LRMDA: variants seen among roughly 807,000 people sequenced by gnomAD.
LRMDA encodes the protein leucine-rich melanocyte differentiation-associated protein.
Under a neutral mutation model 29.8 loss-of-function variants are expected in LRMDA, and 18 were observed. The ratio of observed to expected loss-of-function variants is 0.60; its 90% CI spans 0.42 to 0.90. The LOEUF (loss-of-function observed/expected upper bound fraction) is 0.90, where lower values mean the gene tolerates loss of function less well. Ranked by LOEUF, LRMDA falls within the 40% of genes least tolerant of loss-of-function variation. LRMDA has a pLI of 0.00. For missense variants in LRMDA, 273 were observed against 273.9 expected (o/e 1.00, Z 0.02); for synonymous variants, 125 against 109.4 (o/e 1.14, Z -0.89).
intron 6 of LRMDA, among the ~76,000 whole-genome samples, chr10:76,383,444 G>A (rs1456522952): frequency 9.2e-6 from 1 of 108,634 alleles, no homozygotes; most frequent in Non-Finnish European, 1.7e-5. Context: ...TTTTTTTTGA[G>A]ACGGAGTCTC....
chr10:75,812,842 C>T (rs1843988491), intron 2 of LRMDA, among the ~76,000 whole-genome samples: 1 of 152,184 alleles, frequency 6.6e-6, no homozygotes, highest in Non-Finnish European at 1.5e-5. Context: ...TGACCCTGCA[C>T]CTCTTCCCCA....
intron 2 of LRMDA, among the ~76,000 whole-genome samples, chr10:75,698,084 T>C (rs1842260946): frequency 6.6e-6 from 1 of 152,216 alleles, no homozygotes; most frequent in African/African-American, 2.4e-5. Context: ...TAAAGTCACA[T>C]AGCTGGGAAA....
intron 6 of LRMDA, among the ~76,000 whole-genome samples, chr10:76,345,830 C>G (rs1841101924): frequency 6.6e-6 from 1 of 152,086 alleles, no homozygotes; most frequent in African/African-American, 2.4e-5. Context: ...TTCATTGAAG[C>G]ATTTTTCTAG....
At chr10:76,143,416 T>A (rs1850245346) in intron 5 of LRMDA, among the ~76,000 whole-genome samples, 2 of 152,222 alleles carry the variant, frequency 1.3e-5, no homozygotes, top group Admixed American at 1.3e-4. Context: ...TCATTGTGGT[T>A]TTGATTTGCA....
intron 2 of LRMDA, among the ~76,000 whole-genome samples, chr10:75,471,000 A>G (rs1844718968): frequency 6.6e-6 from 1 of 152,058 alleles, no homozygotes; most frequent in African/African-American, 2.4e-5. Flanking sequence ...GACCTCCCTC[A>G]TGGGTGGGTT....
chr10:75,723,708 G>A (rs765792068), intron 2 of LRMDA, among the ~76,000 whole-genome samples: 1 of 152,202 alleles, frequency 6.6e-6, no homozygotes, highest in African/African-American at 2.4e-5. Flanking sequence ...GAGCAGGCAG[G>A]ATGGAAGTAA....
intron 2 of LRMDA, among the ~76,000 whole-genome samples, chr10:75,847,881 G>C (rs1301035984): frequency 6.6e-6 from 1 of 152,118 alleles, no homozygotes. Flanking sequence ...ATACCCATTT[G>C]GATGGCCAGT....
At chr10:76,055,793 G>T (rs1234034019) in intron 4 of LRMDA, among the ~76,000 whole-genome samples, 1 of 152,250 alleles carries the variant, frequency 6.6e-6, no homozygotes, top group Non-Finnish European at 1.5e-5. Flanking sequence ...GCAGGCACTG[G>T]GGAACGTGGT....
At chr10:76,230,369 CT>C (rs1203174578) in intron 5 of LRMDA, among the ~76,000 whole-genome samples, 1 of 151,930 alleles carries the variant, frequency 6.6e-6, no homozygotes, top group Non-Finnish European at 1.5e-5. Flanking sequence ...GGAGAATATA[CT>C]TTTTTGGATA....
At chr10:75,496,823 G>A (rs3012041) in intron 2 of LRMDA, among the ~76,000 whole-genome samples, 137,370 of 152,178 alleles carry the variant, frequency 0.9, 62,202 homozygotes, top group African/African-American at 0.98. Context: ...AAAAATGCAC[G>A]TATGTTTATA....
At chr10:76,550,157 T>G (rs1843476400) in intron 6 of LRMDA, among the ~76,000 whole-genome samples, 1 of 152,176 alleles carries the variant, frequency 6.6e-6, no homozygotes, top group South Asian at 2.1e-4. Flanking sequence ...ATGTTAAAAA[T>G]AGAAATGGTT....
intron 2 of LRMDA, among the ~76,000 whole-genome samples, chr10:75,923,136 T>C (rs377611797): frequency 1.3e-5 from 2 of 152,364 alleles, no homozygotes; most frequent in East Asian, 3.9e-4. Context: ...ACTTCCTTAG[T>C]ACCTCATTAC....
At chr10:75,829,841 CT>C (rs34025294) in intron 2 of LRMDA, among the ~76,000 whole-genome samples, 26,766 of 89,612 alleles carry the variant, frequency 0.3, 2,550 homozygotes, top group South Asian at 0.37. Context: ...GAATAGGCCA[CT>C]TTTTTTTTTT....
intron 2 of LRMDA, among the ~76,000 whole-genome samples, chr10:75,932,285 C>A (rs950867445): frequency 6.6e-6 from 1 of 152,106 alleles, no homozygotes; most frequent in African/African-American, 2.4e-5. Flanking sequence ...CACATGGCTG[C>A]AAATTACTTA....
chr10:75,897,389 G>C (rs943802609), intron 2 of LRMDA, among the ~76,000 whole-genome samples: 1 of 152,124 alleles, frequency 6.6e-6, no homozygotes, highest in Non-Finnish European at 1.5e-5. Flanking sequence ...GCAGAAGTGG[G>C]GAACACAAGG....
At chr10:75,570,043 A>G (rs1384993850) in intron 2 of LRMDA, among the ~76,000 whole-genome samples, 1 of 152,206 alleles carries the variant, frequency 6.6e-6, no homozygotes, top group Non-Finnish European at 1.5e-5. Context: ...TTATATTTAT[A>G]TGGCCATTTT....
intron 6 of LRMDA, among the ~76,000 whole-genome samples, chr10:76,364,915 G>A (rs1374033907): frequency 6.6e-6 from 1 of 151,312 alleles, no homozygotes; most frequent in Non-Finnish European, 1.5e-5. Flanking sequence ...CATCTTCATA[G>A]CTTAGCTCCC....
At chr10:76,515,024 G>C (rs966388451) in intron 6 of LRMDA, among the ~76,000 whole-genome samples, 2 of 152,132 alleles carry the variant, frequency 1.3e-5, no homozygotes, top group Admixed American at 1.3e-4. Context: ...AGCTTTGAGT[G>C]TAAAGGGCAG....
chr10:75,990,296 A>G (rs1434843347), intron 2 of LRMDA, among the ~76,000 whole-genome samples: 2 of 152,318 alleles, frequency 1.3e-5, no homozygotes, highest in East Asian at 3.9e-4. Flanking sequence ...TTAATTTTAG[A>G]TACTTGCCAT....
Sources: gnomAD v4.1 joint callset for allele counts (sites outside exome capture counted in the v4.1 genomes callset) on GRCh38, gnomAD v4.1.1 for gene constraint, MANE v1.5 for transcripts, NCBI Gene and HGNC (gene_info 2026-07-23, HGNC 2026-07-21) for gene names.